The following CNTNAP2 variants were observed in gnomAD, a reference collection of about 807,000 sequenced individuals.
The protein encoded by CNTNAP2 is contactin associated protein 2.
CNTNAP2 carries 98 observed loss-of-function variants against 155.2 expected under a neutral mutation model. The observed-to-expected ratio is 0.63, with a 90% CI of 0.54 to 0.75. The LOEUF is 0.75. CNTNAP2 is among the 30% of genes least tolerant of loss of function. CNTNAP2 has a pLI of 0.00. For synonymous variants in CNTNAP2, 651 were observed against 631.2 expected, an observed-to-expected ratio of 1.03 and a Z score of -0.47; for missense variants, 1,727 against 1,688.1, an observed-to-expected ratio of 1.02 and a Z score of -0.40.
At chr7:148,094,752 G>A (rs149794546) in intron 15 of CNTNAP2, among the ~76,000 whole-genome samples, 36 of 152,314 alleles carry the variant, frequency 2.4e-4, no homozygotes, top group African/African-American at 6.3e-4. Context: ...TTGGCTGAGC[G>A]CAATGAGTTT....
intron 1 of CNTNAP2, among the ~76,000 whole-genome samples, chr7:146,495,035 G>A (rs766749824): frequency 2.0e-5 from 3 of 152,206 alleles, no homozygotes; most frequent in Non-Finnish European, 4.4e-5. Flanking sequence ...AAGCCATGGA[G>A]TTTTATAAGT....
intron 8 of CNTNAP2, among the ~76,000 whole-genome samples, chr7:147,219,184 G>A (rs1192259118): frequency 1.3e-5 from 2 of 152,080 alleles, no homozygotes; most frequent in Non-Finnish European, 2.9e-5. Context: ...CCCTGTATTA[G>A]TCAGGGTTCT....
At chr7:146,830,680 TAAAAC>T (rs1371057513) in intron 2 of CNTNAP2, among the ~76,000 whole-genome samples, 1 of 152,164 alleles carries the variant, frequency 6.6e-6, no homozygotes, top group Non-Finnish European at 1.5e-5. Context: ...TTGTTGATGT[TAAAAC>T]AAACTGTACT....
intron 10 of CNTNAP2, among the ~76,000 whole-genome samples, chr7:147,420,669 T>A (rs565714644): frequency 6.2e-4 from 95 of 152,284 alleles, no homozygotes; most frequent in African/African-American, 2.1e-3. Context: ...AATAAATAGA[T>A]TTTTTTAAAG....
intron 1 of CNTNAP2, among the ~76,000 whole-genome samples, chr7:146,730,339 C>T (rs1177777341): frequency 1.3e-5 from 2 of 152,026 alleles, no homozygotes; most frequent in East Asian, 1.9e-4. Flanking sequence ...GCTCCATGTC[C>T]TCCTTGTTTT....
At chr7:147,930,135 G>GA (rs920961923) in intron 14 of CNTNAP2, among the ~76,000 whole-genome samples, 20 of 145,550 alleles carry the variant, frequency 1.4e-4, no homozygotes, top group Admixed American at 6.8e-4. Context: ...AAAACAGAAA[G>GA]AAAAAAAAAC....
chr7:147,966,947 G>A (rs1416023720), intron 14 of CNTNAP2, among the ~76,000 whole-genome samples: 3 of 151,760 alleles, frequency 2.0e-5, no homozygotes, highest in East Asian at 3.9e-4. Flanking sequence ...TATAAATAAC[G>A]CTTCAGAAAC....
intron 1 of CNTNAP2, among the ~76,000 whole-genome samples, chr7:146,610,008 G>T (rs1454703442): frequency 6.6e-6 from 1 of 152,168 alleles, no homozygotes; most frequent in African/African-American, 2.4e-5. Context: ...GATTGAACAA[G>T]TCTCCCAGGT....
At chr7:146,443,832 T>G (rs1156998251) in intron 1 of CNTNAP2, among the ~76,000 whole-genome samples, 2 of 152,214 alleles carry the variant, frequency 1.3e-5, no homozygotes, top group Non-Finnish European at 2.9e-5. Context: ...TTTTATCTTT[T>G]GTTAATTAAT....
intron 8 of CNTNAP2, among the ~76,000 whole-genome samples, chr7:147,145,648 CT>C (rs533951170): frequency 5.9e-5 from 9 of 152,118 alleles, no homozygotes; most frequent in Non-Finnish European, 1.3e-4. Context: ...CCTGTAGTCC[CT>C]TTTAGGTTTG....
At chr7:147,406,444 TGAA>T (rs1239195280) in intron 10 of CNTNAP2, among the ~76,000 whole-genome samples, 2 of 152,196 alleles carry the variant, frequency 1.3e-5, no homozygotes, top group Non-Finnish European at 2.9e-5. Flanking sequence ...TTTAAAAAGA[TGAA>T]GTTGTCATTT....
chr7:147,311,420 G>C (rs1445729427), intron 9 of CNTNAP2, among the ~76,000 whole-genome samples: 1 of 152,148 alleles, frequency 6.6e-6, no homozygotes, highest in African/African-American at 2.4e-5. Context: ...CCAGTCTCTA[G>C]CAAAAATTGT....
chr7:148,330,593 C>CGGATGGAGTGGAG (rs1797975586), intron 21 of CNTNAP2, among the ~76,000 whole-genome samples: 1 of 117,400 alleles, frequency 8.5e-6, no homozygotes, highest in African/African-American at 2.9e-5. Context: ...ATGGAGTGGA[C>CGGATGGAGTGGAG]GGATGAAGTG....
intron 1 of CNTNAP2, among the ~76,000 whole-genome samples, chr7:146,223,862 TA>T (rs1213672979): frequency 1.3e-5 from 2 of 152,348 alleles, no homozygotes; most frequent in Admixed American, 6.5e-5. Context: ...TAAAGTATAA[TA>T]AGTACATATA....
chr7:146,706,396 TAAAA>T (rs745455969), intron 1 of CNTNAP2, among the ~76,000 whole-genome samples: 1 of 151,948 alleles, frequency 6.6e-6, no homozygotes, highest in Non-Finnish European at 1.5e-5. Flanking sequence ...GAAGAAAAAT[TAAAA>T]AAGAAAGAGA....
chr7:147,019,868 G>A (rs977087353), intron 3 of CNTNAP2, among the ~76,000 whole-genome samples: 1 of 152,030 alleles, frequency 6.6e-6, no homozygotes, highest in Non-Finnish European at 1.5e-5. Context: ...GCTGATAGAG[G>A]TCATCAATGA....
intron 1 of CNTNAP2, among the ~76,000 whole-genome samples, chr7:146,397,302 A>G (rs1201270740): frequency 2.0e-5 from 3 of 152,120 alleles, no homozygotes; most frequent in African/African-American, 7.2e-5. Flanking sequence ...TTTCCCGGAG[A>G]CCACATTTAC....
intron 1 of CNTNAP2, among the ~76,000 whole-genome samples, chr7:146,671,966 C>A (rs1262451617): frequency 1.3e-5 from 2 of 152,032 alleles, no homozygotes; most frequent in Admixed American, 1.3e-4. Context: ...CAGGTGCCTG[C>A]CACTGCACCC....
At chr7:147,723,994 C>G (rs1796605231) in intron 13 of CNTNAP2, among the ~76,000 whole-genome samples, 1 of 151,884 alleles carries the variant, frequency 6.6e-6, no homozygotes, top group African/African-American at 2.4e-5. Flanking sequence ...TGTATTTTTT[C>G]TCATTTCATC....
Sources: allele counts gnomAD v4.1 joint callset (sites outside exome capture counted in the v4.1 genomes callset), GRCh38; gene constraint gnomAD v4.1.1; transcripts MANE v1.5; gene names NCBI Gene and HGNC (gene_info 2026-07-23, HGNC 2026-07-21).